TSPEAR: variants seen among roughly 807,000 people sequenced by gnomAD.
TSPEAR encodes thrombospondin-type laminin G domain and EAR repeat-containing protein.
In TSPEAR, 69 loss-of-function variants were observed where a neutral mutation model predicts 71.6. The observed-to-expected ratio is 0.96, with a 90% confidence interval of 0.79 to 1.18. The LOEUF is 1.18. Among genes scored for constraint, TSPEAR ranks in the 50% most tolerant of loss-of-function variants. The pLI is 0.00. For synonymous variants in TSPEAR, 402 were observed against 387.2 expected, an observed-to-expected ratio of 1.04 and a Z score of -0.45; for missense variants, 971 against 894.9, an observed-to-expected ratio of 1.09 and a Z score of -1.09.
chr21:44,637,973 C>CG (rs1983759401), intron 1 of TSPEAR: 1 of 1,613,892 alleles, frequency 6.2e-7, no homozygotes, highest in African/African-American at 1.3e-5. Context: ...CTGCTGCAGA[C>CG]CCTCCTCCTC....
rs782507256 is a variant in TSPEAR, at chr21:44,612,183, G to T, written c.83-44178C>A. On this transcript the variant is annotated intron_variant, in intron 1 of 11. Transcript: ENST00000323084. The surrounding 1 kb of genome is among the most constrained non-coding windows in gnomAD (Gnocchi z 4.1). Reference sequence around the variant, plus strand: ...TGCTCCAGTGACGTGGGCCATGTCAGCCGAGTCTCCTCCCCCAGCACCTGC... The same window carrying T: ...TGCTCCAGTGACGTGGGCCATGTCATCCGAGTCTCCTCCCCCAGCACCTGC... 1 of 1,613,972 alleles carries T rather than the reference G, an allele frequency of 6.2e-7. No individual in the cohort carries two copies. Among genetic ancestry groups the T allele is most frequent in the South Asian group, 1.1e-5 (1 of 91,078 alleles).
At chr21:44,511,364 A>C (rs950626381) in intron 9 of TSPEAR, among the ~76,000 whole-genome samples, 1 of 148,376 alleles carries the variant, frequency 6.7e-6, no homozygotes, top group Middle Eastern at 3.4e-3. Context: ...CACTGTGTAC[A>C]CACACACATA....
chr21:44,558,189 G>C (rs1555920226), intron 2 of TSPEAR: 1 of 1,551,292 alleles, frequency 6.4e-7, no homozygotes, highest in East Asian at 2.3e-5. Flanking sequence ...GGCACAGCAG[G>C]AGGGGATGGG....
At chr21:44,656,382 C>G (rs1985148868) in intron 1 of TSPEAR, among the ~76,000 whole-genome samples, 1 of 152,296 alleles carries the variant, frequency 6.6e-6, no homozygotes, top group Middle Eastern at 3.4e-3. Flanking sequence ...TTTCTCCCAG[C>G]TTTTGCTCTT....
rs1242758796 is a variant in TSPEAR, at chr21:44,647,430, GTCCTCAGAA to G, written c.82+63994_82+64002del. On this transcript the variant is annotated intron_variant, in intron 1 of 11. Transcript: ENST00000323084. The stretch of plus-strand genomic sequence containing the variant: ...TTCTCCAGTCTCAGGAGCCCCTGGA[GTCCTCAGAA>G]TCCACCAGCTCCATCAGTAGCCACA... 11 of 1,524,894 alleles carry G rather than the reference GTCCTCAGAA, an allele frequency of 7.2e-6. No homozygotes were observed. In the African/African-American group the frequency reaches 1.4e-4, roughly 19 times the overall value. The allele number at this position is 1,524,894 out of a possible 1,614,324, so 94.5% of individuals were successfully genotyped here.
Position 44,498,689 on chromosome 21 carries a change from C to G in TSPEAR, c.*1094G>C, listed in dbSNP as rs2051973616. 6.6e-6 allele frequency: 1 copy of G among 152,266 alleles called. No homozygotes were observed. The highest frequency in any genetic ancestry group is 6.5e-5 in the Admixed American group (1 of 15,278). The allele number at this position is 152,266 out of a possible 1,614,324, so 9.4% of individuals were successfully genotyped here. ...ATTGGCGGAAAAAGCACATTGTAAA[C>G]TCTCTGAGGATCGCTCCTGTTCCGA... On this transcript the variant is annotated 3_prime_UTR_variant, in exon 12 of 12. Coordinates refer to ENST00000323084, the MANE Select transcript of TSPEAR (RefSeq NM_144991.3).
chr21:44,500,290 C>T (rs967070827), intron 11 of TSPEAR, among the ~76,000 whole-genome samples: 5 of 152,202 alleles, frequency 3.3e-5, no homozygotes, highest in Middle Eastern at 3.2e-3. Context: ...CTCAAACACA[C>T]GCAGGCCACC....
At chr21:44,697,616 C>A (rs1555950905) in intron 1 of TSPEAR, 3 of 1,614,072 alleles carry the variant, frequency 1.9e-6, no homozygotes, top group Non-Finnish European at 1.7e-6. Flanking sequence ...TAGCTGCCAG[C>A]CAGCTTGCTG....
intron 1 of TSPEAR, among the ~76,000 whole-genome samples, chr21:44,616,272 G>A (rs1314724526): frequency 2.6e-5 from 4 of 152,200 alleles, no homozygotes; most frequent in Admixed American, 6.5e-5. Context: ...GGAGGTGGAC[G>A]CTCTCACGGT....
chr21:44,572,443 T>C (rs2146081192), intron 1 of TSPEAR, among the ~76,000 whole-genome samples: 1 of 152,206 alleles, frequency 6.6e-6, no homozygotes, highest in South Asian at 2.1e-4. Flanking sequence ...CACTATTCCC[T>C]AAAACCATTC....
intron 1 of TSPEAR, among the ~76,000 whole-genome samples, chr21:44,610,900 C>T (rs11702169): frequency 0.22 from 33,423 of 152,118 alleles, 3,956 homozygotes; most frequent in Non-Finnish European, 0.28. Context: ...AAATTTGACT[C>T]CCCTGCTGGA....
chr21:44,558,038 G>A (rs782684093), intron 2 of TSPEAR: 27 of 1,593,556 alleles, frequency 1.7e-5, no homozygotes, highest in Middle Eastern at 1.7e-4. Flanking sequence ...CTGGAGAAAC[G>A]GGACCTGCCC....
intron 1 of TSPEAR, among the ~76,000 whole-genome samples, chr21:44,673,932 CAT>C (rs201063081): frequency 0.039 from 5,948 of 151,526 alleles, 126 homozygotes; most frequent in Middle Eastern, 0.079. Flanking sequence ...GGAAACACGA[CAT>C]ATCAAAACCT....
intron 1 of TSPEAR, chr21:44,666,504 G>T (rs782782954): frequency 2.5e-6 from 4 of 1,612,056 alleles, no homozygotes; most frequent in Non-Finnish European, 3.4e-6. Flanking sequence ...GGTGCAGGAG[G>T]GCTGGCAGCA....
intron 1 of TSPEAR, among the ~76,000 whole-genome samples, chr21:44,693,417 C>A (rs1232069893): frequency 6.6e-6 from 1 of 152,130 alleles, no homozygotes; most frequent in African/African-American, 2.4e-5. Flanking sequence ...AGTGAAAAGA[C>A]AATCCACAGA....
intron 1 of TSPEAR, chr21:44,646,414 A>ACACT (rs1451207782): frequency 1.3e-6 from 2 of 1,574,152 alleles, no homozygotes; most frequent in Non-Finnish European, 8.6e-7. Context: ...ACACACTCAC[A>ACACT]CACTCACTTA....
chr21:44,509,001 G>A (rs373386736), intron 10 of TSPEAR, 198 bp downstream of exon 10: 193 of 1,503,016 alleles, frequency 1.3e-4, no homozygotes, highest in South Asian at 7.6e-4. Flanking sequence ...GTCTCAGGGC[G>A]GCACTGACTT....
chr21:44,607,488 T>C (rs1343570608), intron 1 of TSPEAR, among the ~76,000 whole-genome samples: 1 of 152,146 alleles, frequency 6.6e-6, no homozygotes, highest in African/African-American at 2.4e-5. Flanking sequence ...GAACAATGAA[T>C]GAAATAAAAA....
At position 44,591,546 on chromosome 21, in the gene TSPEAR, C is replaced by G. The variant is rs1490896266; in HGVS notation, c.83-23541G>C. Reference sequence around the variant, plus strand: ...AGGGGACGGGCACGCAGCAGGTGGACTTGCACACAGGGTGGCAGAGGAGGG... The same window carrying G: ...AGGGGACGGGCACGCAGCAGGTGGAGTTGCACACAGGGTGGCAGAGGAGGG... On this transcript the variant is annotated intron_variant, in intron 1 of 11. Coordinates refer to ENST00000323084, the MANE Select transcript of TSPEAR (RefSeq NM_144991.3). 8.1e-6 allele frequency: 13 copies of G among 1,613,914 alleles called. No homozygotes were observed. Among genetic ancestry groups the G allele is most frequent in the Non-Finnish European group, 1.1e-5 (13 of 1,179,974 alleles).
Sources: gnomAD v4.1 joint callset for allele counts (sites outside exome capture counted in the v4.1 genomes callset) on GRCh38, gnomAD v4.1.1 for gene constraint, Gnocchi (gnomAD v3.1) non-coding constraint, MANE v1.5 for transcripts, NCBI Gene and HGNC (gene_info 2026-07-23, HGNC 2026-07-21) for gene names.